Variants in C1orf21 observed in about 807,000 individuals in gnomAD.
C1orf21 encodes uncharacterized protein C1orf21.
C1orf21 carries 3 observed loss-of-function variants against 18.7 expected under a neutral mutation model. The ratio of observed to expected loss-of-function variants is 0.16; its 90% confidence interval spans 0.07 to 0.42. The LOEUF is 0.42. Ranked by LOEUF, C1orf21 falls within the 10% of genes least tolerant of loss-of-function variation. C1orf21 has a pLI of 0.99. For synonymous variants in C1orf21, 41 were observed against 46.4 expected (o/e 0.88, Z 0.47); for missense variants, 104 against 143.6 (o/e 0.72, Z 1.41).
intron 1 of C1orf21, among the ~76,000 whole-genome samples, chr1:184,437,152 A>G (rs1656871426): frequency 1.3e-5 from 2 of 152,010 alleles, no homozygotes; most frequent in South Asian, 4.2e-4. Context: ...CTCACCATGG[A>G]AGGATTCTCA....
intron 3 of C1orf21, among the ~76,000 whole-genome samples, chr1:184,580,488 G>A (rs1659260690): frequency 6.6e-6 from 1 of 152,216 alleles, no homozygotes; most frequent in East Asian, 1.9e-4. Context: ...TTAATCATTG[G>A]TCCTCCTCAA....
Position 184,477,705 on chromosome 1 carries a change from A to G in C1orf21, c.94+102A>G, listed in dbSNP as rs1657593817. On this transcript the variant is annotated intron_variant, in intron 2 of 5. Coordinates refer to ENST00000235307, the MANE Select transcript of C1orf21 (RefSeq NM_030806.4). ...TACATATTTATGGGGTGCTTGTGAT[A>G]TTTTGTTACATGCCTAGAATGTGTA... 7 of 851,114 alleles carry G rather than the reference A, an allele frequency of 8.2e-6. No individual in the cohort carries two copies. The South Asian group carries it at 1.0e-4, about 13-fold the overall frequency. 52.7% of individuals were successfully genotyped at this position (851,114 alleles called of 1,614,324 possible). A position where few individuals can be genotyped will look rare whatever the true frequency, so the allele number is the denominator to read the frequency against.
intron 5 of C1orf21, among the ~76,000 whole-genome samples, chr1:184,618,420 G>T (rs1408717834): frequency 1.3e-5 from 2 of 152,038 alleles, no homozygotes; most frequent in African/African-American, 4.8e-5. Context: ...CCAGAGCTAG[G>T]AAGTCACAGA....
intron 2 of C1orf21, among the ~76,000 whole-genome samples, chr1:184,504,894 T>C (rs1033938032): frequency 2.6e-5 from 4 of 152,188 alleles, no homozygotes; most frequent in Admixed American, 2.6e-4. Context: ...CTATCTTCTG[T>C]CTAAATTGGT....
intron 1 of C1orf21, among the ~76,000 whole-genome samples, chr1:184,463,941 G>T (rs1270302119): frequency 6.6e-6 from 1 of 152,190 alleles, no homozygotes; most frequent in Non-Finnish European, 1.5e-5. Context: ...GACCTTGAAG[G>T]TTGGGTAGAA....
intron 1 of C1orf21, among the ~76,000 whole-genome samples, chr1:184,410,400 G>A (rs10911594): frequency 0.29 from 42,872 of 149,876 alleles, 9,313 homozygotes; most frequent in African/African-American, 0.62. Flanking sequence ...ATTCAGTCTC[G>A]ATTTAGTGTG....
At chr1:184,476,554 G>T (rs1232692051) in intron 1 of C1orf21, among the ~76,000 whole-genome samples, 2 of 152,156 alleles carry the variant, frequency 1.3e-5, no homozygotes, top group Non-Finnish European at 2.9e-5. Flanking sequence ...CCTTGGATGG[G>T]GCAGGGAAAG....
At chr1:184,485,905 G>T (rs1259612100) in intron 2 of C1orf21, among the ~76,000 whole-genome samples, 1 of 152,202 alleles carries the variant, frequency 6.6e-6, no homozygotes, top group African/African-American at 2.4e-5. Flanking sequence ...ACAGTAAAGA[G>T]CCCTAAGGGC....
intron 3 of C1orf21, among the ~76,000 whole-genome samples, chr1:184,555,548 T>TAC (rs10560390): frequency 1.1e-4 from 17 of 151,590 alleles, no homozygotes; most frequent in South Asian, 4.2e-4. Flanking sequence ...CACACATACA[T>TAC]ACACACACAC....
At chr1:184,538,813 G>A (rs1658599692) in intron 3 of C1orf21, among the ~76,000 whole-genome samples, 1 of 152,048 alleles carries the variant, frequency 6.6e-6, no homozygotes. Context: ...CATTTTATAT[G>A]TCTACCTTTA....
At chr1:184,430,830 A>G (rs1459054037) in intron 1 of C1orf21, among the ~76,000 whole-genome samples, 2 of 152,192 alleles carry the variant, frequency 1.3e-5, no homozygotes, top group African/African-American at 2.4e-5. Flanking sequence ...AAGAAAGTCA[A>G]TGGCAGCTTG....
intron 3 of C1orf21, among the ~76,000 whole-genome samples, chr1:184,578,836 C>A (rs769450204): frequency 6.6e-6 from 1 of 151,926 alleles, no homozygotes; most frequent in African/African-American, 2.4e-5. Flanking sequence ...CTCCCAAGCA[C>A]AAGAGTAGGA....
chr1:184,418,636 T>C (rs1277222882), intron 1 of C1orf21, among the ~76,000 whole-genome samples: 1 of 152,234 alleles, frequency 6.6e-6, no homozygotes, highest in East Asian at 1.9e-4. Context: ...TTGTTTGTGA[T>C]CAAGAAATAC....
intron 1 of C1orf21, among the ~76,000 whole-genome samples, chr1:184,447,872 A>G (rs1306272768): frequency 4.6e-5 from 7 of 152,176 alleles, no homozygotes; most frequent in African/African-American, 7.2e-5. Flanking sequence ...GGCTGATAAT[A>G]TCTTAGTACG....
chr1:184,449,511 T>C (rs917806122), intron 1 of C1orf21, among the ~76,000 whole-genome samples: 5 of 152,160 alleles, frequency 3.3e-5, no homozygotes, highest in African/African-American at 4.8e-5. Flanking sequence ...AATAAACATA[T>C]ATGTGCATGT....
rs1271868192 is a variant in C1orf21, at chr1:184,626,908, A to G, written c.*7352A>G. ...ACCCAGGGATGAGAATGCACCCTAA[A>G]ATAAATATACGGGAAGCAGCAGAGG... On this transcript the variant is annotated 3_prime_UTR_variant, in exon 6 of 6. Transcript: ENST00000235307. The G allele has an allele frequency of 6.6e-6, 1 of 152,514 alleles. No individual in the cohort carries two copies. The highest frequency in any genetic ancestry group is 1.5e-5 in the Non-Finnish European group (1 of 68,030). 9.4% of individuals were successfully genotyped at this position (152,514 alleles called of 1,614,324 possible).
chr1:184,526,779 G>T (rs1658383569), intron 3 of C1orf21, among the ~76,000 whole-genome samples: 1 of 152,158 alleles, frequency 6.6e-6, no homozygotes, highest in East Asian at 1.9e-4. Context: ...CCGAGGGAAA[G>T]AAAAGGTCTC....
intron 2 of C1orf21, among the ~76,000 whole-genome samples, chr1:184,492,202 C>G (rs996183424): frequency 9.9e-5 from 15 of 152,234 alleles, no homozygotes; most frequent in Admixed American, 7.9e-4. Flanking sequence ...AAGCCATTGA[C>G]TTGCCTGCAG....
At chr1:184,467,987 G>GGTGTGTGTGTGT (rs71782493) in intron 1 of C1orf21, among the ~76,000 whole-genome samples, 6 of 149,032 alleles carry the variant, frequency 4.0e-5, no homozygotes, top group African/African-American at 1.5e-4. Context: ...GAGCTTTTAT[G>GGTGTGTGTGTGT]GTGTGTGTGT....
Sources: allele counts gnomAD v4.1 joint callset (sites outside exome capture counted in the v4.1 genomes callset), GRCh38; gene constraint gnomAD v4.1.1; transcripts MANE v1.5; gene names NCBI Gene and HGNC (gene_info 2026-07-23, HGNC 2026-07-21).